The following PCM1 variants were observed in gnomAD, a reference collection of about 807,000 sequenced individuals.
PCM1 encodes pericentriolar material 1.
Under a neutral mutation model 241.9 loss-of-function variants are expected in PCM1, and 157 were observed. That is an observed-to-expected ratio of 0.65 (90% confidence interval 0.57 to 0.74). PCM1 has a LOEUF of 0.74. Among genes scored for constraint, PCM1 ranks in the 30% least tolerant of loss-of-function variants. The pLI, the probability that PCM1 is intolerant of heterozygous loss-of-function variation, is 0.00. For missense variants in PCM1, 3,478 were observed against 2,360.1 expected, an observed-to-expected ratio of 1.47 and a Z score of -9.81; for synonymous variants, 1,085 against 784.9, an observed-to-expected ratio of 1.38 and a Z score of -6.39.
rs771962281 is a variant in PCM1, at chr8:17,947,269, G to C, written c.867G>C (p.Gln289His). The C allele has an allele frequency of 1.2e-6, 2 of 1,610,808 alleles. No individual in the cohort carries two copies. The highest frequency in any genetic ancestry group is 1.7e-5 in the Admixed American group (1 of 59,966). ...ATTTATTAAAAAGAATGTTACAACAGCAGGAGCAACTAAGAGCTCTACAGG... is the reference window on the plus strand; with the variant it reads ...ATTTATTAAAAAGAATGTTACAACACCAGGAGCAACTAAGAGCTCTACAGG... ...QHDLLKRMLQ[Q>H]QEQLRALQGR... The change falls in exon 7 of 39, where the codon CAG becomes CAC. Residue 289 changes from glutamine (Q) to histidine (H), a missense_variant. Transcript: ENST00000325083.
At chr8:17,928,628 T>A (rs1485430605) in intron 2 of PCM1, among the ~76,000 whole-genome samples, 1 of 145,530 alleles carries the variant, frequency 6.9e-6, no homozygotes, top group Non-Finnish European at 1.5e-5. Flanking sequence ...TTTTTTTTTT[T>A]TTTTTTTTTT....
At chr8:17,983,496 ATT>A (rs2081620508) in intron 24 of PCM1, among the ~76,000 whole-genome samples, 1 of 152,188 alleles carries the variant, frequency 6.6e-6, no homozygotes. Flanking sequence ...TTGTTTTCAT[ATT>A]CTGTTAGTGT....
intron 36 of PCM1, among the ~76,000 whole-genome samples, chr8:18,023,774 A>G (rs1206865369): frequency 6.6e-6 from 1 of 152,212 alleles, no homozygotes; most frequent in Non-Finnish European, 1.5e-5. Context: ...AAGGGGTTCA[A>G]ATGCTTTCCA....
intron 23 of PCM1, among the ~76,000 whole-genome samples, chr8:17,974,748 G>A (rs1215509461): frequency 1.3e-5 from 2 of 152,002 alleles, no homozygotes; most frequent in Non-Finnish European, 2.9e-5. Flanking sequence ...TGATCTTTGT[G>A]CTCTTGTCCT....
chr8:18,019,324 G>A (rs2427741), intron 36 of PCM1, among the ~76,000 whole-genome samples: 60 of 152,020 alleles, frequency 3.9e-4, no homozygotes, highest in Non-Finnish European at 7.1e-4. Context: ...TCTGTAGAGC[G>A]GCTGTCCTCA....
intron 24 of PCM1, among the ~76,000 whole-genome samples, chr8:17,984,901 C>A (rs1227719491): frequency 6.6e-6 from 1 of 151,896 alleles, no homozygotes; most frequent in East Asian, 1.9e-4. Flanking sequence ...TGTTAGGTTA[C>A]AGATTTGGTT....
Position 17,969,754 on chromosome 8 carries a change from G to A in PCM1, c.3584+6G>A. 1 of 1,497,136 alleles carries A rather than the reference G, an allele frequency of 6.7e-7. No homozygotes were observed. The highest frequency in any genetic ancestry group is 9.2e-7 in the Non-Finnish European group (1 of 1,083,936). The allele number at this position is 1,497,136 out of a possible 1,614,324, so 92.7% of individuals were successfully genotyped here. A position where few individuals can be genotyped will look rare whatever the true frequency, so the allele number is the denominator to read the frequency against. On this transcript the variant is annotated splice_donor_region_variant and intron_variant, in intron 22 of 38. Coordinates refer to ENST00000325083, the MANE Select transcript of PCM1 (RefSeq NM_006197.4). ...ATTGGAGCAGAGAAACCAAGGTACT[G>A]ATTGTAAACAGTCTTTTATTGCTTA...
chr8:17,968,756 G>GTGTGTGTGTGTGTGTT (rs1564028877), intron 21 of PCM1, among the ~76,000 whole-genome samples: 2 of 130,736 alleles, frequency 1.5e-5, no homozygotes, highest in African/African-American at 5.7e-5. Context: ...GTGTGTGTGT[G>GTGTGTGTGTGTGTGTT]TGTGTGTATA....
At position 17,937,356 on chromosome 8, in the gene PCM1, A is replaced by G; in HGVS notation, c.319A>G (p.Ile107Val). 1.9e-6 allele frequency: 3 copies of G among 1,601,220 alleles called. No individual in the cohort carries two copies. Among genetic ancestry groups the G allele is most frequent in the Non-Finnish European group, 2.6e-6 (3 of 1,174,344 alleles). ...QAELEKLKQR[I>V]NFSDLDQRSI... ...AGAATTAGAGAAACTGAAACAGCGG[A>G]TAAACTTCAGTGATTTAGATCAGGT... Residue 107 changes from isoleucine to valine, a missense_variant, in exon 4 of 39, where the codon ATA becomes GTA. By Grantham distance (29) the Ile-to-Val change is conservative (BLOSUM62 3). Transcript: ENST00000325083.
chr8:17,977,503 T>G (rs2079177441), intron 23 of PCM1, among the ~76,000 whole-genome samples: 1 of 152,170 alleles, frequency 6.6e-6, no homozygotes, highest in Non-Finnish European at 1.5e-5. Flanking sequence ...AAGCAAGGCT[T>G]TAGGGTCTGC....
intron 23 of PCM1, among the ~76,000 whole-genome samples, chr8:17,973,260 A>G (rs953467549): frequency 4.6e-5 from 7 of 152,200 alleles, no homozygotes; most frequent in Non-Finnish European, 1.0e-4. Flanking sequence ...TCTTACAAAA[A>G]TAGGTTTTCT....
In PCM1 at chr8:17,954,646, G is replaced by C. The variant is rs1028296092; in HGVS notation, c.1289-824G>C. Among the ~76,000 whole-genome samples, 7 of 152,234 alleles carry C rather than the reference G, an allele frequency of 4.6e-5. No individual in the cohort carries two copies. In the East Asian group the frequency reaches 1.4e-3, roughly 29 times the overall value. On this transcript the variant is annotated intron_variant, in intron 9 of 38. Coordinates refer to ENST00000325083, the MANE Select transcript of PCM1 (RefSeq NM_006197.4). Reference sequence around the variant, plus strand: ...CTGCTGGAAACCACCTACAGGAATTGTGGTACTAAAGTGAGCAACAAATAA... The same window carrying C: ...CTGCTGGAAACCACCTACAGGAATTCTGGTACTAAAGTGAGCAACAAATAA...
intron 6 of PCM1, among the ~76,000 whole-genome samples, chr8:17,946,012 C>T (rs1466163472): frequency 3.9e-5 from 6 of 151,968 alleles, no homozygotes; most frequent in Non-Finnish European, 8.8e-5. Flanking sequence ...TTACGGTATA[C>T]GTTTCGATGT....
chr8:17,991,704 T>A lies in PCM1; in HGVS notation c.4690+4T>A, dbSNP rs1167498073. 6.5e-7 allele frequency: 1 copy of A among 1,540,164 alleles called. No homozygotes were observed. The highest frequency in any genetic ancestry group is 2.0e-5 in the Admixed American group (1 of 49,010). On this transcript the variant is annotated splice_donor_region_variant and intron_variant, in intron 28 of 38. Coordinates refer to ENST00000325083, the MANE Select transcript of PCM1 (RefSeq NM_006197.4). ...ACTACAGTTAATAATTTAGAAGGTA[T>A]ATATTTTTGTTTTCGGTAGGTTTTT...
intron 36 of PCM1, among the ~76,000 whole-genome samples, chr8:18,019,018 T>G (rs1395503842): frequency 6.6e-6 from 1 of 151,688 alleles, no homozygotes; most frequent in Admixed American, 6.6e-5. Flanking sequence ...CCTAACACTT[T>G]GTTATCTAAT....
rs368012910 is a variant in PCM1, at chr8:17,957,305, A to G, written c.1688A>G (p.His563Arg). 3.2e-5 allele frequency: 51 copies of G among 1,609,560 alleles called. No homozygotes were observed. The highest frequency in any genetic ancestry group is 1.6e-4 in the Middle Eastern group (1 of 6,074). The change falls in exon 12 of 39, where the codon CAT (histidine) becomes CGT (arginine). Residue 563 changes from histidine (H) to arginine (R), a missense_variant. By Grantham distance (29) the His-to-Arg change is conservative. Coordinates refer to ENST00000325083, the MANE Select transcript of PCM1 (RefSeq NM_006197.4). ...VASTWNEVNSHSNAQCVSNNR... is the reference protein window; with the variant it reads ...VASTWNEVNSRSNAQCVSNNR... ...TCCACTTGGAATGAAGTAAATAGTC[A>G]TAGTAATGCACAGTGTGTTTCTAAT...
At chr8:17,929,147 A>C (rs2058165736) in intron 2 of PCM1, among the ~76,000 whole-genome samples, 1 of 152,118 alleles carries the variant, frequency 6.6e-6, no homozygotes, top group South Asian at 2.1e-4. Flanking sequence ...TTCTCACCAA[A>C]GTCAACAGTA....
chr8:18,005,361 T>TC (rs955775691), intron 29 of PCM1, among the ~76,000 whole-genome samples: 8 of 151,130 alleles, frequency 5.3e-5, no homozygotes, highest in Non-Finnish European at 1.0e-4. Context: ...GTTGTTGTTT[T>TC]TTTTTTTTTT....
Position 17,946,522 on chromosome 8 carries a change from G to T in PCM1, c.784-664G>T, listed in dbSNP as rs1299546874. Reference sequence around the variant, plus strand: ...CTTTTTTCTTTTTTCTTTGAGACGGGGTCTCGCTCTGTCACCCAGGCTGGA... The same window carrying T: ...CTTTTTTCTTTTTTCTTTGAGACGGTGTCTCGCTCTGTCACCCAGGCTGGA... On this transcript the variant is annotated intron_variant, in intron 6 of 38. Transcript: ENST00000325083. Among the ~76,000 whole-genome samples the T allele has an allele frequency of 3.3e-5, 5 of 150,726 alleles. No individual in the cohort carries two copies. The East Asian group carries it at 9.7e-4, about 29-fold the overall frequency.
Sources: allele counts gnomAD v4.1 joint callset (sites outside exome capture counted in the v4.1 genomes callset), GRCh38; gene constraint gnomAD v4.1.1; transcripts MANE v1.5; gene names NCBI Gene and HGNC (gene_info 2026-07-23, HGNC 2026-07-21).